Variants in EFNA5 observed in about 807,000 individuals in gnomAD.
EFNA5 encodes ephrin A5.
EFNA5 carries 5 observed loss-of-function variants against 22.9 expected under a neutral mutation model. The ratio of observed to expected loss-of-function variants is 0.22; its 90% CI spans 0.11 to 0.46. The LOEUF is 0.46. Ranked by LOEUF, EFNA5 falls within the 20% of genes least tolerant of loss-of-function variation. The pLI is 0.99. For missense variants in EFNA5, 237 were observed against 293.3 expected (o/e 0.81, Z 1.40); for synonymous variants, 113 against 112.2 (o/e 1.01, Z -0.04).
chr5:107,573,828 G>A (rs1017407457), intron 1 of EFNA5, among the ~76,000 whole-genome samples: 1 of 152,190 alleles, frequency 6.6e-6, no homozygotes, highest in African/African-American at 2.4e-5. Flanking sequence ...ATCTGCACCA[G>A]TTTTGGGAAT....
At chr5:107,486,811 C>A (rs777546281) in intron 1 of EFNA5, among the ~76,000 whole-genome samples, 1 of 152,182 alleles carries the variant, frequency 6.6e-6, no homozygotes, top group Admixed American at 6.5e-5. Context: ...TACTGCAGCA[C>A]AATATATTCT....
Position 107,577,149 on chromosome 5 carries a change from A to T in EFNA5, c.125+93340T>A, listed in dbSNP as rs563865024. On this transcript the variant is annotated intron_variant, in intron 1 of 4. Transcript: ENST00000333274. ...CAGAATACCTTTCACCTGCAAAATGACTAACATAATTGCCAACACAAATTT... is the reference window on the plus strand; with the variant it reads ...CAGAATACCTTTCACCTGCAAAATGTCTAACATAATTGCCAACACAAATTT... Among the ~76,000 whole-genome samples, 9 of 152,318 alleles carry T rather than the reference A, an allele frequency of 5.9e-5. No individual in the cohort carries two copies. The South Asian group carries it at 1.9e-3, about 32-fold the overall frequency.
chr5:107,388,733 G>A (rs1375356200), intron 2 of EFNA5, among the ~76,000 whole-genome samples: 1 of 152,150 alleles, frequency 6.6e-6, no homozygotes, highest in Non-Finnish European at 1.5e-5. Flanking sequence ...CTCCCTATGT[G>A]TTTGCTTCAA....
intron 1 of EFNA5, among the ~76,000 whole-genome samples, chr5:107,577,507 C>A (rs928492309): frequency 3.3e-5 from 5 of 152,030 alleles, no homozygotes; most frequent in Non-Finnish European, 7.4e-5. Context: ...TTTAAGGATA[C>A]CCCACTCCAG....
intron 1 of EFNA5, among the ~76,000 whole-genome samples, chr5:107,519,799 G>A (rs1747557694): frequency 6.6e-6 from 1 of 152,176 alleles, no homozygotes; most frequent in Non-Finnish European, 1.5e-5. Context: ...TTTAAGAAAA[G>A]GAGAGCAGTT....
chr5:107,538,379 C>A (rs1160924194), intron 1 of EFNA5, among the ~76,000 whole-genome samples: 1 of 152,202 alleles, frequency 6.6e-6, no homozygotes, highest in Non-Finnish European at 1.5e-5. Context: ...ACTATGCTTG[C>A]CATTCTGACA....
At chr5:107,588,621 G>A (rs144480318) in intron 1 of EFNA5, among the ~76,000 whole-genome samples, 10 of 152,332 alleles carry the variant, frequency 6.6e-5, no homozygotes, top group African/African-American at 2.4e-4. Flanking sequence ...TGCCTGGGTT[G>A]TAGAAAGGGG....
chr5:107,407,808 T>A (rs1184444685), intron 2 of EFNA5, among the ~76,000 whole-genome samples: 1 of 152,208 alleles, frequency 6.6e-6, no homozygotes, highest in Non-Finnish European at 1.5e-5. Context: ...TTTTACCATT[T>A]TAAATAACTA....
chr5:107,621,218 T>C (rs981179040), intron 1 of EFNA5, among the ~76,000 whole-genome samples: 2 of 152,018 alleles, frequency 1.3e-5, no homozygotes, highest in African/African-American at 2.4e-5. Flanking sequence ...GAAAACAGAC[T>C]GGGGGGCTGG....
intron 1 of EFNA5, among the ~76,000 whole-genome samples, chr5:107,446,962 C>T (rs937163587): frequency 6.6e-6 from 1 of 152,102 alleles, no homozygotes; most frequent in African/African-American, 2.4e-5. Context: ...ACTGCCTTCC[C>T]AAAAGTGAAT....
At chr5:107,648,700 A>G (rs1338168829) in intron 1 of EFNA5, among the ~76,000 whole-genome samples, 2 of 152,178 alleles carry the variant, frequency 1.3e-5, no homozygotes, top group Admixed American at 6.6e-5. Flanking sequence ...GTAGTTGAAT[A>G]TATGTCACAC....
At chr5:107,641,013 TAGATAGATAGAC>T (rs1199621100) in intron 1 of EFNA5, among the ~76,000 whole-genome samples, 62 of 132,228 alleles carry the variant, frequency 4.7e-4, no homozygotes, top group African/African-American at 1.6e-3. Flanking sequence ...GATAGATAGA[TAGATAGATAGAC>T]AGACAGACAG....
At chr5:107,430,034 AGGATCCC>A (rs1748906937) in intron 1 of EFNA5, among the ~76,000 whole-genome samples, 1 of 152,222 alleles carries the variant, frequency 6.6e-6, no homozygotes, top group Non-Finnish European at 1.5e-5. Context: ...TTTCAGCTAG[AGGATCCC>A]AAACTACATA....
At chr5:107,417,122 T>C (rs1748524313) in intron 2 of EFNA5, among the ~76,000 whole-genome samples, 1 of 152,202 alleles carries the variant, frequency 6.6e-6, no homozygotes, top group East Asian at 1.9e-4. Flanking sequence ...GAGCACATGT[T>C]ATTTGTTTTT....
At chr5:107,413,539 T>C (rs1042974238) in intron 2 of EFNA5, among the ~76,000 whole-genome samples, 1 of 152,204 alleles carries the variant, frequency 6.6e-6, no homozygotes, top group Non-Finnish European at 1.5e-5. Flanking sequence ...TATTCATTTC[T>C]TTCTCTCCAG....
chr5:107,629,536 C>G (rs1397175414), intron 1 of EFNA5, among the ~76,000 whole-genome samples: 1 of 152,114 alleles, frequency 6.6e-6, no homozygotes, highest in African/African-American at 2.4e-5. Context: ...GTAGGTTCAT[C>G]AATTGTAACA....
At chr5:107,568,666 A>T (rs1748713766) in intron 1 of EFNA5, among the ~76,000 whole-genome samples, 1 of 152,230 alleles carries the variant, frequency 6.6e-6, no homozygotes, top group Non-Finnish European at 1.5e-5. Context: ...TAGACAGAGA[A>T]CATACAAATA....
At chr5:107,591,998 T>A (rs1580547925) in intron 1 of EFNA5, among the ~76,000 whole-genome samples, 1 of 43,320 alleles carries the variant, frequency 2.3e-5, no homozygotes, top group Non-Finnish European at 4.0e-5. Context: ...ATAATATATA[T>A]AATATATAAT....
At chr5:107,442,018 C>T (rs1192312277) in intron 1 of EFNA5, among the ~76,000 whole-genome samples, 1 of 152,158 alleles carries the variant, frequency 6.6e-6, no homozygotes, top group Admixed American at 6.5e-5. Context: ...GCAACAAAAT[C>T]CTAACTCACC....
Sources: allele counts gnomAD v4.1 joint callset (sites outside exome capture counted in the v4.1 genomes callset), GRCh38; gene constraint gnomAD v4.1.1; transcripts MANE v1.5; gene names NCBI Gene and HGNC (gene_info 2026-07-23, HGNC 2026-07-21).